Variants in IL18R1 observed in about 807,000 individuals in gnomAD.
IL18R1 encodes interleukin 18 receptor 1.
A neutral mutation model predicts 48.5 loss-of-function variants in IL18R1; 40 were observed. The ratio of observed to expected loss-of-function variants is 0.82; its 90% CI spans 0.64 to 1.07. IL18R1 has a LOEUF of 1.07. IL18R1 is among the 50% of genes least tolerant of loss of function. IL18R1 has a pLI of 0.00. For synonymous variants in IL18R1, 232 were observed against 225.9 expected (o/e 1.03, Z -0.24); for missense variants, 596 against 633.7 (o/e 0.94, Z 0.64).
At chr2:102,374,051 G>A in intron 4 of IL18R1, 1 of 309,788 alleles carries the variant, frequency 3.2e-6, no homozygotes, top group South Asian at 2.7e-5. Flanking sequence ...GAAATAAAGT[G>A]CACAATAAAT....
intron 9 of IL18R1, among the ~76,000 whole-genome samples, chr2:102,393,456 TGAA>T (rs1236086661): frequency 6.6e-6 from 1 of 152,204 alleles, no homozygotes; most frequent in Non-Finnish European, 1.5e-5. Context: ...TAAGTAGAAC[TGAA>T]GAAGATTTTG....
At chr2:102,388,197 A>C (rs1370438627) in intron 8 of IL18R1, among the ~76,000 whole-genome samples, 1 of 152,180 alleles carries the variant, frequency 6.6e-6, no homozygotes, top group Non-Finnish European at 1.5e-5. Context: ...CAGCTCCCCC[A>C]GCACACATGT....
rs758101806 is a variant in IL18R1 at position 102,390,061 on chromosome 2, A to G, written c.955A>G (p.Met319Val). The G allele has an allele frequency of 6.2e-7, 1 of 1,613,794 alleles. No individual in the cohort carries two copies. The highest frequency in any genetic ancestry group is 1.7e-4 in the Middle Eastern group (1 of 6,060). ...TTTTTCCCTTTCTTTTCTAGCAGAC[A>G]TGGCTGATATCCCAGGCCACGTCTT... ...KSFILVRKAD[M>V]ADIPGHVFTR... The change falls in exon 9 of 11, where the codon ATG becomes GTG. Residue 319 changes from methionine to valine, a missense_variant. Transcript: ENST00000233957.
intron 2 of IL18R1, among the ~76,000 whole-genome samples, chr2:102,363,605 G>A (rs1392515866): frequency 2.0e-5 from 3 of 152,146 alleles, no homozygotes; most frequent in Admixed American, 6.5e-5. Flanking sequence ...TCCATGTCCT[G>A]TGGACATACA....
Position 102,396,570 on chromosome 2 carries a change from G to A in IL18R1, c.1310G>A (p.Arg437Gln), listed in dbSNP as rs1420929425. The A allele has an allele frequency of 1.2e-5, 19 of 1,609,478 alleles. No homozygotes were observed. The highest frequency in any genetic ancestry group is 1.5e-5 in the Non-Finnish European group (18 of 1,178,212). ...ATCCACTCACTGATAGAGAAAAGCC[G>A]AAGACTAATCATTGTCCTAAGTAAA... ...DEIHSLIEKS[R>Q]RLIIVLSKSY... Residue 437 changes from arginine (R) to glutamine (Q), a missense_variant, in exon 11 of 11, where the codon CGA becomes CAA. Physicochemically the swap from Arg to Gln is conservative, Grantham distance 43 (BLOSUM62 1). Around this residue, in one of 3 missense-constraint regions of IL18R1, gnomAD observed 179 missense variants for 206.1 expected, o/e 0.87. Transcript: ENST00000233957.
chr2:102,389,866 A>G (rs1680458442), intron 8 of IL18R1, among the ~76,000 whole-genome samples, 190 bp from the exon 9 acceptor site: 1 of 152,212 alleles, frequency 6.6e-6, no homozygotes, highest in African/African-American at 2.4e-5. Context: ...ATTCTTTAAA[A>G]ATCTGAGTAG....
intron 9 of IL18R1, 68 bp downstream of exon 9, chr2:102,390,285 A>C: frequency 7.4e-7 from 1 of 1,357,010 alleles, no homozygotes; most frequent in South Asian, 1.2e-5. Context: ...ATAGGCATTA[A>C]TCTTCATCTT....
chr2:102,359,406 G>T (rs562449303), intron 1 of IL18R1, among the ~76,000 whole-genome samples: 1 of 152,014 alleles, frequency 6.6e-6, no homozygotes. Context: ...AAGAATGATC[G>T]GTTTGACTAC....
chr2:102,369,353 G>A (rs190164119), intron 3 of IL18R1, among the ~76,000 whole-genome samples: 3 of 152,320 alleles, frequency 2.0e-5, no homozygotes, highest in South Asian at 2.1e-4. Context: ...TTTCTGATAC[G>A]GGTAGTAGAG....
rs373266089 is a variant in IL18R1, at chr2:102,387,018, T to A, written c.949+18T>A. The stretch of plus-strand genomic sequence containing the variant: ...GAGAAAAGGTGAGAAAGATTTATTT[T>A]TGGAAGTTTTGAAACTTAGCTCATT... On this transcript the variant is annotated intron_variant, in intron 8 of 10. Coordinates refer to ENST00000233957, the MANE Select transcript of IL18R1 (RefSeq NM_003855.5). The A allele has an allele frequency of 1.1e-5, 17 of 1,607,394 alleles. No individual in the cohort carries two copies. The highest frequency in any genetic ancestry group is 1.4e-5 in the Non-Finnish European group (16 of 1,178,210).
intron 3 of IL18R1, among the ~76,000 whole-genome samples, chr2:102,368,652 A>G (rs1157872556): frequency 6.6e-6 from 1 of 152,188 alleles, no homozygotes; most frequent in African/African-American, 2.4e-5. Context: ...AGGTGGCCCT[A>G]GATTGTGCCA....
At chr2:102,372,625 T>C (rs1254313479) in intron 4 of IL18R1, among the ~76,000 whole-genome samples, 1 of 152,074 alleles carries the variant, frequency 6.6e-6, no homozygotes, top group Non-Finnish European at 1.5e-5. Flanking sequence ...AAGCATCTGC[T>C]TTTTAAAAGT....
At chr2:102,359,260 A>G (rs1205310451) in intron 1 of IL18R1, among the ~76,000 whole-genome samples, 1 of 152,218 alleles carries the variant, frequency 6.6e-6, no homozygotes, top group East Asian at 1.9e-4. Context: ...TTGTTGGTGG[A>G]TGAAAAAAGT....
intron 1 of IL18R1, among the ~76,000 whole-genome samples, chr2:102,361,085 A>G (rs148923865): frequency 1.7e-4 from 26 of 152,324 alleles, no homozygotes; most frequent in African/African-American, 6.0e-4. Flanking sequence ...CCATCTCCTG[A>G]TAACTTTGTC....
intron 1 of IL18R1, among the ~76,000 whole-genome samples, chr2:102,357,000 C>G (rs1293575051): frequency 6.6e-6 from 1 of 152,182 alleles, no homozygotes; most frequent in Non-Finnish European, 1.5e-5. Flanking sequence ...CACTGACTTC[C>G]CTTGCTTCAT....
intron 9 of IL18R1, among the ~76,000 whole-genome samples, chr2:102,391,045 G>A (rs1559633915): frequency 6.6e-6 from 1 of 151,776 alleles, no homozygotes; most frequent in African/African-American, 2.4e-5. Flanking sequence ...TCGACCCGCT[G>A]GCTCTATGCC....
Position 102,390,077 on chromosome 2 carries a change from G to A in IL18R1, c.971G>A (p.Gly324Asp). 6.2e-7 allele frequency: 1 copy of A among 1,613,798 alleles called. No homozygotes were observed. Among genetic ancestry groups the A allele is most frequent in the South Asian group, 1.1e-5 (1 of 91,042 alleles). ...VRKADMADIP[G>D]HVFTRGMIIA... ...CTAGCAGACATGGCTGATATCCCAGGCCACGTCTTCACAAGAGGAATGATC... is the reference window on the plus strand; with the variant it reads ...CTAGCAGACATGGCTGATATCCCAGACCACGTCTTCACAAGAGGAATGATC... The change falls in exon 9 of 11, where the codon GGC becomes GAC. Residue 324 changes from glycine to aspartate, a missense_variant. Around this residue, in one of 3 missense-constraint regions of IL18R1, gnomAD observed 57 missense variants for 88.2 expected, o/e 0.65. Coordinates refer to ENST00000233957, the MANE Select transcript of IL18R1 (RefSeq NM_003855.5).
chr2:102,396,536 G>A lies in IL18R1; in HGVS notation c.1276G>A (p.Val426Ile). Residue 426 changes from valine to isoleucine, a missense_variant, in exon 11 of 11, where the codon GTT (valine) becomes ATT (isoleucine). Physicochemically the swap from Val to Ile is conservative, Grantham distance 29. Around this residue, in one of 3 missense-constraint regions of IL18R1, gnomAD observed 179 missense variants for 206.1 expected, o/e 0.87. Transcript: ENST00000233957. The stretch of plus-strand genomic sequence containing the variant: ...GGGTTATCTTGCATTTTCAGCTGTT[G>A]TTGATGAAATCCACTCACTGATAGA... ...ERDVVPGGAV[V>I]DEIHSLIEKS... The A allele has an allele frequency of 1.9e-6, 3 of 1,574,190 alleles. No homozygotes were observed. The highest frequency in any genetic ancestry group is 2.6e-6 in the Non-Finnish European group (3 of 1,156,474).
rs201272290 is a variant in IL18R1, at chr2:102,386,993, G to C, written c.942G>C (p.Val314=). The change falls in exon 8 of 11, where the codon GTG becomes GTC. Residue 314 remains valine (V), a synonymous_variant. Transcript: ENST00000233957. The part of the protein sequence containing the change: ...GGTDTKSFIL[V]RKADMADIPG... ...CAGACACCAAAAGCTTCATCTTGGTGAGAAAAGGTGAGAAAGATTTATTTT... is the reference window on the plus strand; with the variant it reads ...CAGACACCAAAAGCTTCATCTTGGTCAGAAAAGGTGAGAAAGATTTATTTT... 33 of 1,610,512 alleles carry C rather than the reference G, an allele frequency of 2.0e-5. 2 individuals carry two copies. In the African/African-American group the frequency reaches 3.1e-4, roughly 15 times the overall value.
Sources: gnomAD v4.1 joint callset for allele counts (sites outside exome capture counted in the v4.1 genomes callset) on GRCh38, gnomAD v4.1.1 for gene constraint, gnomAD v4.1.1 regional missense constraint, MANE v1.5 for transcripts, NCBI Gene and HGNC (gene_info 2026-07-23, HGNC 2026-07-21) for gene names.